The following PRH1 variants were observed in gnomAD, a reference collection of about 807,000 sequenced individuals.
The protein encoded by PRH1 is salivary acidic proline-rich phosphoprotein 1/2.
Under a neutral mutation model 7.9 loss-of-function variants are expected in PRH1, and 7 were observed. That is an observed-to-expected ratio of 0.89 (90% CI 0.50 to 1.67). The LOEUF is 1.67. PRH1 is among the 40% of genes most tolerant of loss of function. The pLI, the probability that PRH1 is intolerant of heterozygous loss-of-function variation, is 0.00. For synonymous variants in PRH1, 45 were observed against 80.8 expected (o/e 0.56, Z 2.38); for missense variants, 109 against 223.6 (o/e 0.49, Z 3.27).
intron 1 of PRH1, among the ~76,000 whole-genome samples, chr12:11,170,398 T>C (rs925866443): frequency 6.6e-6 from 1 of 152,092 alleles, no homozygotes; most frequent in Non-Finnish European, 1.5e-5. Flanking sequence ...ATACAAAAAA[T>C]TAGCCGGGCA....
chr12:11,139,465 AT>A (rs895506396), intron 1 of PRH1, among the ~76,000 whole-genome samples: 13 of 152,168 alleles, frequency 8.5e-5, no homozygotes, highest in East Asian at 5.8e-4. Flanking sequence ...TGTATTAAAA[AT>A]TTTTTTTCCA....
At chr12:11,156,152 A>T (rs1947241242) in intron 1 of PRH1, among the ~76,000 whole-genome samples, 1 of 152,152 alleles carries the variant, frequency 6.6e-6, no homozygotes, top group South Asian at 2.1e-4. Flanking sequence ...CTGTTTATGA[A>T]ATGTCTGCTA....
chr12:11,016,562 A>G (rs1591815601), intron 1 of PRH1, among the ~76,000 whole-genome samples: 2 of 151,868 alleles, frequency 1.3e-5, no homozygotes, highest in East Asian at 3.9e-4. Flanking sequence ...GGTGGTCTGC[A>G]ACTCTGGGCC....
At chr12:10,882,786 C>A in intron 2 of PRH1, 88 bp from the exon 3 acceptor site, 2 of 1,571,684 alleles carry the variant, frequency 1.3e-6, no homozygotes, top group East Asian at 2.3e-5. Flanking sequence ...ACGGCCGGCC[C>A]CTCTCTGCCT....
At chr12:11,125,373 T>C (rs1366636869) in intron 1 of PRH1, among the ~76,000 whole-genome samples, 48 of 152,358 alleles carry the variant, frequency 3.2e-4, no homozygotes, top group African/African-American at 1.1e-3. Context: ...TTTGCAATTA[T>C]AGAGTGAATA....
chr12:10,977,109 C>T (rs1939139548), intron 1 of PRH1, among the ~76,000 whole-genome samples: 3 of 151,976 alleles, frequency 2.0e-5, no homozygotes. Flanking sequence ...AGAGACACAA[C>T]AAAAAATAGA....
intron 2 of PRH1, among the ~76,000 whole-genome samples, chr12:10,897,652 G>A (rs907385954): frequency 8.5e-5 from 13 of 152,162 alleles, no homozygotes; most frequent in African/African-American, 2.7e-4. Context: ...TAAAGATGGC[G>A]GAAGGCAATG....
chr12:10,949,421 C>G (rs888204108), intron 2 of PRH1, among the ~76,000 whole-genome samples: 2 of 152,210 alleles, frequency 1.3e-5, no homozygotes, highest in Admixed American at 6.5e-5. Flanking sequence ...GAGAGGTTTT[C>G]AGTTGCTCCT....
rs538071318 is a variant in PRH1, at chr12:10,897,740, A to T, written c.-58-13465T>A. The stretch of plus-strand genomic sequence containing the variant: ...GGGAGGTGCCTTACACTTTCAAACA[A>T]CCAAATCTTGTGATAACTCACTCAC... On this transcript the variant is annotated intron_variant, in intron 2 of 3. Coordinates refer to the PRH1 transcript ENST00000539853. Among the ~76,000 whole-genome samples, 4 of 152,178 alleles carry T rather than the reference A, an allele frequency of 2.6e-5. No individual in the cohort carries two copies. In the East Asian group the frequency reaches 7.7e-4, roughly 29 times the overall value.
intron 2 of PRH1, among the ~76,000 whole-genome samples, chr12:10,924,336 C>T (rs1950096024): frequency 6.6e-6 from 1 of 152,138 alleles, no homozygotes; most frequent in African/African-American, 2.4e-5. Context: ...CAAATCATTC[C>T]CCAAATTGCA....
At chr12:10,928,892 C>G (rs1434890383) in intron 2 of PRH1, among the ~76,000 whole-genome samples, 1 of 152,190 alleles carries the variant, frequency 6.6e-6, no homozygotes, top group Non-Finnish European at 1.5e-5. Flanking sequence ...CTCACATACA[C>G]ACAAATGAAA....
chr12:11,013,121 G>A (rs1049079875), intron 1 of PRH1, among the ~76,000 whole-genome samples: 19 of 152,038 alleles, frequency 1.2e-4, no homozygotes, highest in Admixed American at 1.2e-3. Flanking sequence ...AAATATATCT[G>A]AAAATACCCA....
intron 1 of PRH1, among the ~76,000 whole-genome samples, chr12:11,037,649 TAATA>T (rs1184997749): frequency 1.3e-5 from 2 of 152,262 alleles, no homozygotes; most frequent in Admixed American, 6.5e-5. Context: ...TGTCTATCAA[TAATA>T]AATATTCAAA....
intron 2 of PRH1, among the ~76,000 whole-genome samples, chr12:10,954,203 C>G (rs1937835143): frequency 1.3e-5 from 2 of 152,128 alleles, no homozygotes; most frequent in South Asian, 4.1e-4. Context: ...ACCACAGAAA[C>G]CAGTCTGCAT....
intron 1 of PRH1, among the ~76,000 whole-genome samples, chr12:11,141,834 C>T (rs1218418988): frequency 2.0e-5 from 3 of 152,178 alleles, no homozygotes; most frequent in Non-Finnish European, 4.4e-5. Flanking sequence ...GTCACCCAGG[C>T]TGGAGTGCAG....
intron 2 of PRH1, among the ~76,000 whole-genome samples, chr12:10,903,931 C>CAAAAAAAAAAAAAAAAAAAA (rs546066515): frequency 0.026 from 815 of 31,082 alleles, 61 homozygotes; most frequent in Non-Finnish European, 0.039. Context: ...ACAATAGCCT[C>CAAAAAAAAAAAAAAAAAAAA]AAAAAAAAAA....
intron 1 of PRH1, among the ~76,000 whole-genome samples, chr12:11,044,574 G>C (rs1317304433): frequency 6.6e-6 from 1 of 151,832 alleles, no homozygotes; most frequent in Non-Finnish European, 1.5e-5. Context: ...GAATATAAAA[G>C]GAGCTTTAAC....
chr12:10,997,047 A>T (rs772278062), intron 1 of PRH1: 6 of 1,614,094 alleles, frequency 3.7e-6, no homozygotes, highest in Non-Finnish European at 5.1e-6. Context: ...ATCAGAATGA[A>T]TGAGTGGAAT....
At chr12:11,080,183 A>C (rs1944455172) in intron 1 of PRH1, among the ~76,000 whole-genome samples, 1 of 121,054 alleles carries the variant, frequency 8.3e-6, no homozygotes. Flanking sequence ...ATGCAACCCT[A>C]AACTCAATAG....
Sources: gnomAD v4.1 joint callset for allele counts (sites outside exome capture counted in the v4.1 genomes callset) on GRCh38, gnomAD v4.1.1 for gene constraint, MANE v1.5 for transcripts, NCBI Gene and HGNC (gene_info 2026-07-23, HGNC 2026-07-21) for gene names.